SHISA9: variants seen among roughly 807,000 people sequenced by gnomAD.
The protein encoded by SHISA9 is protein shisa-9.
Under a neutral mutation model 38.0 loss-of-function variants are expected in SHISA9, and 13 were observed. That is an observed-to-expected ratio of 0.34 (90% confidence interval 0.22 to 0.54). The LOEUF (loss-of-function observed/expected upper bound fraction) is 0.54. SHISA9 is among the 20% of genes least tolerant of loss of function. The pLI is 0.91. For synonymous variants in SHISA9, 275 were observed against 242.0 expected (o/e 1.14, Z -1.27); for missense variants, 538 against 575.8 (o/e 0.93, Z 0.67).
intron 2 of SHISA9, among the ~76,000 whole-genome samples, chr16:13,060,027 C>T (rs2073355833): frequency 6.6e-6 from 1 of 152,170 alleles, no homozygotes; most frequent in Admixed American, 6.5e-5. Context: ...GGCAGTAATT[C>T]TGATTATTAC....
chr16:12,937,046 T>C (rs1156302327), intron 2 of SHISA9, among the ~76,000 whole-genome samples: 2 of 152,186 alleles, frequency 1.3e-5, no homozygotes, highest in African/African-American at 4.8e-5. Context: ...GCTGGTCCTC[T>C]TGTGAACCAC....
chr16:12,923,921 C>T (rs1037567467), intron 2 of SHISA9, among the ~76,000 whole-genome samples: 1 of 152,182 alleles, frequency 6.6e-6, no homozygotes, highest in East Asian at 1.9e-4. Context: ...CAGGTCTGTC[C>T]GACTCCACAG....
intron 2 of SHISA9, among the ~76,000 whole-genome samples, chr16:13,200,437 C>A (rs997658730): frequency 7.5e-6 from 1 of 132,696 alleles, no homozygotes; most frequent in South Asian, 2.2e-4. Context: ...CACACACACA[C>A]ACACAGCAGC....
At chr16:13,469,365 A>AGG in the SHISA9 span, among the ~76,000 whole-genome samples, 1 of 64,456 alleles carries the variant, frequency 1.6e-5, no homozygotes, top group Non-Finnish European at 3.1e-5. Context: ...AAAGAAAAGA[A>AGG]AAAGAAAGAA....
chr16:13,125,589 T>G (rs1376705328), intron 2 of SHISA9, among the ~76,000 whole-genome samples: 1 of 152,222 alleles, frequency 6.6e-6, no homozygotes, highest in Non-Finnish European at 1.5e-5. Context: ...TATATTAGTC[T>G]ACAATTTGAT....
chr16:13,019,923 CTTTCTTTCTTTCTTTCTT>C (rs2072822261), intron 2 of SHISA9, among the ~76,000 whole-genome samples: 7 of 89,458 alleles, frequency 7.8e-5, no homozygotes, highest in Non-Finnish European at 1.4e-4. Flanking sequence ...TTCTTTCTTT[CTTTCTTTCTTTCTTTCTT>C]TCTTTCTTTC....
the SHISA9 span, among the ~76,000 whole-genome samples, chr16:13,288,974 A>G: frequency 5.3e-5 from 8 of 152,160 alleles, no homozygotes; most frequent in Admixed American, 4.6e-4. Context: ...TGAGGCTTCA[A>G]TATATGAATG....
chr16:13,548,875 A>T, the SHISA9 span, among the ~76,000 whole-genome samples: 2 of 152,206 alleles, frequency 1.3e-5, no homozygotes, highest in South Asian at 4.1e-4. Context: ...ATATACAAAG[A>T]AAATAAAATG....
intron 2 of SHISA9, among the ~76,000 whole-genome samples, chr16:12,999,274 A>G (rs2072495494): frequency 6.6e-6 from 1 of 152,204 alleles, no homozygotes; most frequent in African/African-American, 2.4e-5. Flanking sequence ...AAAACCTGGC[A>G]CTAAATAGAC....
chr16:13,421,959 A>T, the SHISA9 span, among the ~76,000 whole-genome samples: 1 of 152,228 alleles, frequency 6.6e-6, no homozygotes, highest in Non-Finnish European at 1.5e-5. Context: ...CCATGTGGTG[A>T]TCTAAGCCCT....
chr16:13,535,631 C>G, the SHISA9 span, among the ~76,000 whole-genome samples: 1 of 152,192 alleles, frequency 6.6e-6, no homozygotes, highest in African/African-American at 2.4e-5. Context: ...TACTGTTTGG[C>G]TCCTTGCAAA....
At chr16:13,008,958 A>G (rs2072636274) in intron 2 of SHISA9, among the ~76,000 whole-genome samples, 1 of 152,162 alleles carries the variant, frequency 6.6e-6, no homozygotes, top group Non-Finnish European at 1.5e-5. Context: ...AAGATAGCTT[A>G]CAAACAAGAA....
chr16:13,038,430 C>T (rs961732741), intron 2 of SHISA9, among the ~76,000 whole-genome samples: 1 of 152,248 alleles, frequency 6.6e-6, no homozygotes, highest in Admixed American at 6.5e-5. Context: ...CCAGCCTCAC[C>T]TTGTGCTAGT....
chr16:13,562,594 C>T, the SHISA9 span: 1 of 146,098 alleles, frequency 6.8e-6, no homozygotes, highest in African/African-American at 2.6e-5. Context: ...CATGCTGCTG[C>T]ACTCCAGCCT....
chr16:13,214,396 C>T (rs777897183), intron 4 of SHISA9, among the ~76,000 whole-genome samples: 15 of 151,736 alleles, frequency 9.9e-5, no homozygotes, highest in Admixed American at 4.6e-4. Context: ...TTAGTAGAAA[C>T]GGGGTTTCAC....
the SHISA9 span, among the ~76,000 whole-genome samples, chr16:13,433,492 T>C: frequency 6.6e-6 from 1 of 151,828 alleles, no homozygotes; most frequent in Non-Finnish European, 1.5e-5. Context: ...TGGGGCAAAC[T>C]GCTATTATCC....
At chr16:13,305,890 A>G in the SHISA9 span, among the ~76,000 whole-genome samples, 1 of 152,242 alleles carries the variant, frequency 6.6e-6, no homozygotes, top group African/African-American at 2.4e-5. Context: ...ATACAGTAAT[A>G]TTTCAAATCA....
intron 2 of SHISA9, among the ~76,000 whole-genome samples, chr16:12,983,938 C>A (rs1259023110): frequency 6.6e-6 from 1 of 152,166 alleles, no homozygotes; most frequent in Non-Finnish European, 1.5e-5. Context: ...AACCAGTGCT[C>A]TTGGTTGTTG....
At chr16:13,027,474 A>T (rs973631872) in intron 2 of SHISA9, among the ~76,000 whole-genome samples, 1 of 152,200 alleles carries the variant, frequency 6.6e-6, no homozygotes, top group Non-Finnish European at 1.5e-5. Flanking sequence ...AATTATGTCC[A>T]CACAAAGAAT....
Sources: gnomAD v4.1 joint callset for allele counts (sites outside exome capture counted in the v4.1 genomes callset) on GRCh38, gnomAD v4.1.1 for gene constraint, MANE v1.5 for transcripts, NCBI Gene and HGNC (gene_info 2026-07-23, HGNC 2026-07-21) for gene names.